Variants in RPTOR observed in about 807,000 individuals in gnomAD.
RPTOR encodes regulatory associated protein of MTOR complex 1.
In RPTOR, 21 loss-of-function variants were observed where a neutral mutation model predicts 169.9. The observed-to-expected ratio is 0.12, with a 90% CI of 0.09 to 0.18. The LOEUF (loss-of-function observed/expected upper bound fraction) is 0.18. RPTOR is among the 10% of genes least tolerant of loss of function. The pLI, the probability that RPTOR is intolerant of heterozygous loss-of-function variation, is 1.00. For missense variants in RPTOR, 1,133 were observed against 1,855.9 expected, an observed-to-expected ratio of 0.61 and a Z score of 7.16; for synonymous variants, 732 against 753.2, an observed-to-expected ratio of 0.97 and a Z score of 0.46.
chr17:80,730,596 C>G lies in RPTOR; in HGVS notation c.544C>G (p.Leu182Val). The stretch of plus-strand genomic sequence containing the variant: ...GTACATCCCTCTGTCCATATATGAC[C>G]TGCAGACGTGGATGGGCAGCCCGTC... The part of the protein sequence containing the change: ...TQYIPLSIYD[L>V]QTWMGSPSIF... The change falls in exon 5 of 34, where the codon CTG becomes GTG. Residue 182 changes from leucine to valine, a missense_variant. Transcript: ENST00000306801. The surrounding 1 kb of genome is among the most constrained non-coding windows in gnomAD (Gnocchi z 4.2). The G allele has an allele frequency of 6.2e-7, 1 of 1,614,178 alleles. No homozygotes were observed. Among genetic ancestry groups the G allele is most frequent in the South Asian group, 1.1e-5 (1 of 91,084 alleles).
intron 9 of RPTOR, among the ~76,000 whole-genome samples, chr17:80,837,499 C>T (rs1371589865): frequency 6.6e-6 from 1 of 152,242 alleles, no homozygotes; most frequent in African/African-American, 2.4e-5. Flanking sequence ...TCTCCCGCGT[C>T]CCTCCAGGAC....
chr17:80,658,167 A>G (rs1598197847), intron 3 of RPTOR, among the ~76,000 whole-genome samples: 1 of 152,190 alleles, frequency 6.6e-6, no homozygotes, highest in African/African-American at 2.4e-5. Flanking sequence ...CACAGTATAC[A>G]GTCAATATTT....
chr17:80,726,784 A>G lies in RPTOR; in HGVS notation c.508-3776A>G, dbSNP rs1232104354. Among the ~76,000 whole-genome samples, 2 of 152,190 alleles carry G rather than the reference A, an allele frequency of 1.3e-5. No homozygotes were observed. The highest frequency in any genetic ancestry group is 2.9e-5 in the Non-Finnish European group (2 of 68,032). On this transcript the variant is annotated intron_variant, in intron 4 of 33. Coordinates refer to ENST00000306801, the MANE Select transcript of RPTOR (RefSeq NM_020761.3). This position sits in a 1 kb window ranked among gnomAD's most constrained non-coding sequence, Gnocchi z 4.5. Reference sequence around the variant, plus strand: ...TATAGGAGGTAAATAAATAGCACGCAGTGTTCTGGGGGTAAAAAGATACAC... The same window carrying G: ...TATAGGAGGTAAATAAATAGCACGCGGTGTTCTGGGGGTAAAAAGATACAC...
At chr17:80,643,592 C>T in intron 2 of RPTOR, 136 bp from the exon 3 acceptor site, 5 of 604,382 alleles carry the variant, frequency 8.3e-6, no homozygotes, top group Non-Finnish European at 1.5e-5. Context: ...TAACACTGAT[C>T]AACCTTAGGC....
chr17:80,732,393 A>G (rs1184017972), intron 5 of RPTOR, among the ~76,000 whole-genome samples: 1 of 152,178 alleles, frequency 6.6e-6, no homozygotes, highest in African/African-American at 2.4e-5. Context: ...CGCTTTGAGC[A>G]TGTGCTCCGG....
At chr17:80,792,068 G>A (rs1233847073) in intron 7 of RPTOR, among the ~76,000 whole-genome samples, 9 of 152,024 alleles carry the variant, frequency 5.9e-5, no homozygotes, top group South Asian at 2.1e-4. Flanking sequence ...TCTGTCCCTC[G>A]CGTGATCTTT....
chr17:80,743,227 A>G (rs2066502554), intron 5 of RPTOR: 2 of 983,888 alleles, frequency 2.0e-6, no homozygotes, highest in African/African-American at 1.7e-5. Flanking sequence ...CTTATGACTC[A>G]GTTCATTAGA....
intron 3 of RPTOR, among the ~76,000 whole-genome samples, chr17:80,702,527 C>T (rs1236591578): frequency 1.3e-5 from 2 of 152,314 alleles, no homozygotes; most frequent in Middle Eastern, 3.4e-3. Flanking sequence ...AACCTTAACA[C>T]AATGTGGTGA....
At chr17:80,939,087 T>A (rs1468404962) in intron 24 of RPTOR, among the ~76,000 whole-genome samples, 1 of 152,246 alleles carries the variant, frequency 6.6e-6, no homozygotes, top group African/African-American at 2.4e-5. Context: ...AGAGTTGCTT[T>A]TAGCCAAAAG....
At chr17:80,811,660 C>T (rs2067273790) in intron 7 of RPTOR, among the ~76,000 whole-genome samples, 1 of 151,198 alleles carries the variant, frequency 6.6e-6, no homozygotes, top group African/African-American at 2.4e-5. Context: ...CTCAACCTCA[C>T]TGTACCCACG....
At chr17:80,945,030 A>G (rs2069081974) in intron 25 of RPTOR, among the ~76,000 whole-genome samples, 1 of 151,258 alleles carries the variant, frequency 6.6e-6, no homozygotes, top group Non-Finnish European at 1.5e-5. Flanking sequence ...GGCTGGGCGT[A>G]TGCCCATAAT....
intron 1 of RPTOR, among the ~76,000 whole-genome samples, chr17:80,599,160 G>A (rs1189462353): frequency 6.6e-6 from 1 of 152,166 alleles, no homozygotes; most frequent in Non-Finnish European, 1.5e-5. Context: ...GCTGACTCGG[G>A]ACTGTAGACC....
chr17:80,590,349 T>C (rs916989564), intron 1 of RPTOR, among the ~76,000 whole-genome samples: 1 of 150,864 alleles, frequency 6.6e-6, no homozygotes, highest in East Asian at 2.0e-4. Flanking sequence ...CGCACATGCA[T>C]GCACACAGTG....
chr17:80,922,962 C>A, intron 22 of RPTOR, 135 bp downstream of exon 22: 1 of 707,506 alleles, frequency 1.4e-6, no homozygotes, highest in Non-Finnish European at 2.3e-6. Context: ...CCCTCTCCAG[C>A]GGGCGTTCTT....
chr17:80,853,776 A>C (rs1437572322), intron 11 of RPTOR, among the ~76,000 whole-genome samples: 2 of 152,252 alleles, frequency 1.3e-5, no homozygotes, highest in Non-Finnish European at 2.9e-5. Flanking sequence ...CAGGAGATCA[A>C]GACCATCCTG....
At chr17:80,598,466 T>C (rs958209768) in intron 1 of RPTOR, among the ~76,000 whole-genome samples, 4 of 152,228 alleles carry the variant, frequency 2.6e-5, no homozygotes, top group African/African-American at 9.6e-5. Flanking sequence ...TATTCTAAGA[T>C]GGTCATTGCT....
chr17:80,705,684 C>G (rs1027563493), intron 3 of RPTOR, among the ~76,000 whole-genome samples: 11 of 152,090 alleles, frequency 7.2e-5, no homozygotes, highest in Non-Finnish European at 1.5e-4. Flanking sequence ...GCCAGGGAAC[C>G]TTTCTTTATT....
chr17:80,617,435 A>G lies in RPTOR; in HGVS notation c.163-8256A>G, dbSNP rs1356823745. Among the ~76,000 whole-genome samples, 5 of 152,340 alleles carry G rather than the reference A, an allele frequency of 3.3e-5. No individual in the cohort carries two copies. In the East Asian group the frequency reaches 9.6e-4, roughly 29 times the overall value. On this transcript the variant is annotated intron_variant, in intron 1 of 33. Transcript: ENST00000306801. ...ATCTGAAAGTATGTTTTTGTAAAGG[A>G]CATATACTATTTTATCATGTAACAC...
intron 1 of RPTOR, among the ~76,000 whole-genome samples, chr17:80,591,262 C>T (rs1418442312): frequency 2.1e-5 from 2 of 95,942 alleles, no homozygotes; most frequent in Non-Finnish European, 4.6e-5. Context: ...CTCTCCTCCC[C>T]TCTCCTCCCC....
Sources: allele counts gnomAD v4.1 joint callset (sites outside exome capture counted in the v4.1 genomes callset), GRCh38; gene constraint gnomAD v4.1.1; non-coding constraint Gnocchi (gnomAD v3.1); transcripts MANE v1.5; gene names NCBI Gene and HGNC (gene_info 2026-07-23, HGNC 2026-07-21).